Variants in TYW1B observed in about 807,000 individuals in gnomAD.
The protein encoded by TYW1B is tRNA-yW synthesizing protein 1 homolog B.
Under a neutral mutation model 86.9 loss-of-function variants are expected in TYW1B, and 73 were observed. The observed-to-expected ratio is 0.84, with a 90% CI of 0.70 to 1.02. The LOEUF is 1.02. Ranked by LOEUF, TYW1B falls within the 50% of genes least tolerant of loss-of-function variation. The pLI is 0.00. For synonymous variants in TYW1B, 248 were observed against 292.8 expected (o/e 0.85, Z 1.56); for missense variants, 637 against 827.4 (o/e 0.77, Z 2.82).
intron 6 of TYW1B, among the ~76,000 whole-genome samples, chr7:72,792,690 C>A (rs1788241377): frequency 6.6e-6 from 1 of 152,072 alleles, no homozygotes; most frequent in African/African-American, 2.4e-5. Flanking sequence ...TATCCATTAC[C>A]AAAATGAGAA....
chr7:72,580,263 T>G (rs1435362645), intron 13 of TYW1B, among the ~76,000 whole-genome samples: 2 of 152,112 alleles, frequency 1.3e-5, no homozygotes, highest in African/African-American at 4.8e-5. Flanking sequence ...GTGTTCCATG[T>G]AAAAGGCAGA....
chr7:72,717,111 G>T (rs1189675703), intron 9 of TYW1B, among the ~76,000 whole-genome samples: 1 of 151,806 alleles, frequency 6.6e-6, no homozygotes, highest in Non-Finnish European at 1.5e-5. Context: ...GACCAGCTCG[G>T]CCAACATGGC....
chr7:72,776,820 A>C (rs1399905157), intron 7 of TYW1B, among the ~76,000 whole-genome samples: 8 of 150,860 alleles, frequency 5.3e-5, no homozygotes, highest in African/African-American at 1.9e-4. Context: ...TTAAAATACA[A>C]ATATATATAT....
chr7:72,586,694 G>A (rs1554430549), intron 13 of TYW1B, among the ~76,000 whole-genome samples: 2 of 151,938 alleles, frequency 1.3e-5, no homozygotes, highest in African/African-American at 4.8e-5. Context: ...CAGAGATCGT[G>A]CCACTGCATT....
chr7:72,596,788 AT>A (rs200682009), intron 13 of TYW1B, among the ~76,000 whole-genome samples: 1,894 of 152,284 alleles, frequency 0.012, 41 homozygotes, highest in African/African-American at 0.041. Flanking sequence ...CTTATGAAAA[AT>A]TTTAAAAGGC....
chr7:72,746,885 G>A (rs1464679344), intron 7 of TYW1B, among the ~76,000 whole-genome samples: 2 of 152,198 alleles, frequency 1.3e-5, no homozygotes, highest in African/African-American at 4.8e-5. Context: ...GTGAGAAGAG[G>A]ATGGAATGTT....
intron 11 of TYW1B, among the ~76,000 whole-genome samples, chr7:72,678,781 C>T (rs1371909180): frequency 1.3e-5 from 2 of 151,968 alleles, no homozygotes; most frequent in Non-Finnish European, 2.9e-5. Context: ...ACTTCATGAT[C>T]CGCCTGCCTC....
rs1213193481 is a variant in TYW1B at position 72,649,380 on chromosome 7, G to T, written c.1507-20383C>A. Among the ~76,000 whole-genome samples the T allele has an allele frequency of 2.0e-5, 3 of 152,222 alleles. No individual in the cohort carries two copies. The South Asian group carries it at 6.2e-4, about 32-fold the overall frequency. On this transcript the variant is annotated intron_variant, in intron 11 of 13. Coordinates refer to ENST00000620995, the MANE Select transcript of TYW1B (RefSeq NM_001145440.3). ...CACCACCACAAGATGAACAAGAGAG[G>T]TGCCCTATCTACAGAATACTAAACA...
At chr7:72,688,757 A>G (rs1349856434) in intron 11 of TYW1B, among the ~76,000 whole-genome samples, 3 of 152,184 alleles carry the variant, frequency 2.0e-5, no homozygotes, top group Non-Finnish European at 4.4e-5. Context: ...CCAAACCCAT[A>G]GAAGCTATTA....
chr7:72,583,277 G>C (rs531141651), intron 13 of TYW1B, among the ~76,000 whole-genome samples: 1 of 152,182 alleles, frequency 6.6e-6, no homozygotes, highest in Non-Finnish European at 1.5e-5. Flanking sequence ...TTGAACCCGG[G>C]AGGTGGAGGT....
rs35685950 is a variant in TYW1B, at chr7:72,809,041, AT to A, written c.432+1429del. On this transcript the variant is annotated intron_variant, in intron 4 of 13. Transcript: ENST00000620995. ...CTCCATTTCCCTTGAAAAATTCATG[AT>A]TTTTTTTTTTTTTTTTTTGAGATGG... 4.8e-3 allele frequency among the ~76,000 whole-genome samples: 565 copies of A among 117,440 alleles called. 3 individuals carry two copies. The highest frequency in any genetic ancestry group is 0.014 in the East Asian group (59 of 4,238). The allele number at this position is 117,440 out of a possible 152,430, so 77.0% of individuals were successfully genotyped here.
intron 11 of TYW1B, among the ~76,000 whole-genome samples, chr7:72,684,493 G>A (rs1813957641): frequency 3.3e-5 from 5 of 152,018 alleles, no homozygotes; most frequent in African/African-American, 7.2e-5. Context: ...TCAACACTGA[G>A]AGAGAAATAC....
chr7:72,737,384 C>G (rs13306925), intron 8 of TYW1B, among the ~76,000 whole-genome samples: 1 of 152,132 alleles, frequency 6.6e-6, no homozygotes, highest in South Asian at 2.1e-4. Flanking sequence ...ATGTGTTAAT[C>G]ATACTGTTTG....
intron 7 of TYW1B, among the ~76,000 whole-genome samples, chr7:72,770,899 A>AAG (rs1787855257): frequency 1.3e-5 from 2 of 151,718 alleles, no homozygotes; most frequent in Non-Finnish European, 2.9e-5. Flanking sequence ...GGTTGAGTTT[A>AAG]AGAAGCCAGT....
At chr7:72,597,379 T>G (rs553852072) in intron 13 of TYW1B, among the ~76,000 whole-genome samples, 13 of 151,840 alleles carry the variant, frequency 8.6e-5, no homozygotes, top group Non-Finnish European at 1.8e-4. Context: ...AGAGGTAGAG[T>G]AAAATATTAT....
chr7:72,713,891 T>G, intron 9 of TYW1B, 93 bp from the exon 10 acceptor site: 1 of 1,292,714 alleles, frequency 7.7e-7, no homozygotes, highest in Non-Finnish European at 1.0e-6. Flanking sequence ...ATAGAGCAAA[T>G]TCATTTTTGA....
At chr7:72,765,538 T>G (rs1787756094) in intron 7 of TYW1B, among the ~76,000 whole-genome samples, 1 of 152,194 alleles carries the variant, frequency 6.6e-6, no homozygotes, top group South Asian at 2.1e-4. Flanking sequence ...CGATCATGAT[T>G]CACTGCAACC....
intron 6 of TYW1B, among the ~76,000 whole-genome samples, chr7:72,790,075 G>A (rs1314422214): frequency 1.3e-5 from 2 of 148,198 alleles, no homozygotes; most frequent in Non-Finnish European, 3.0e-5. Flanking sequence ...AGTCTCCCAA[G>A]TAGCTGGGAT....
chr7:72,581,546 C>T (rs2129567594), intron 13 of TYW1B, among the ~76,000 whole-genome samples: 1 of 152,106 alleles, frequency 6.6e-6, no homozygotes, highest in African/African-American at 2.4e-5. Context: ...GCAACCTCCA[C>T]CTCTCGGGTT....
Sources: gnomAD v4.1 joint callset for allele counts (sites outside exome capture counted in the v4.1 genomes callset) on GRCh38, gnomAD v4.1.1 for gene constraint, MANE v1.5 for transcripts, NCBI Gene and HGNC (gene_info 2026-07-23, HGNC 2026-07-21) for gene names.